Variants in IGSF10 observed in about 807,000 individuals in gnomAD.
IGSF10 encodes immunoglobulin superfamily member 10.
In IGSF10, 126 loss-of-function variants were observed where a neutral mutation model predicts 128.2. That is an observed-to-expected ratio of 0.98 (90% confidence interval 0.85 to 1.14). The LOEUF is 1.14. IGSF10 is among the 50% of genes most tolerant of loss of function. The pLI is 0.00. For synonymous variants in IGSF10, 1,185 were observed against 1,146.2 expected (o/e 1.03, Z -0.68); for missense variants, 3,295 against 3,149.8 (o/e 1.05, Z -1.10).
chr3:151,611,827 G>C, the IGSF10 span, among the ~76,000 whole-genome samples: 3 of 152,096 alleles, frequency 2.0e-5, no homozygotes, highest in Non-Finnish European at 4.4e-5. Flanking sequence ...GAATTATTAA[G>C]ATTTATTACT....
the IGSF10 span, among the ~76,000 whole-genome samples, chr3:151,479,707 C>T: frequency 5.5e-3 from 831 of 152,202 alleles, 8 homozygotes; most frequent in African/African-American, 0.019. Flanking sequence ...ATATGTGGCT[C>T]ATAAATATGT....
At chr3:151,592,960 T>C in the IGSF10 span, among the ~76,000 whole-genome samples, 1 of 152,158 alleles carries the variant, frequency 6.6e-6, no homozygotes, top group Non-Finnish European at 1.5e-5. Context: ...TGTAAATACA[T>C]TTCTCAGATA....
the IGSF10 span, among the ~76,000 whole-genome samples, chr3:151,581,053 T>C: frequency 6.6e-6 from 1 of 152,200 alleles, no homozygotes; most frequent in Non-Finnish European, 1.5e-5. Context: ...ATAATCTTTC[T>C]TGTTTGGGGA....
At chr3:151,537,968 T>C in the IGSF10 span, among the ~76,000 whole-genome samples, 2 of 152,184 alleles carry the variant, frequency 1.3e-5, no homozygotes, top group African/African-American at 2.4e-5. Context: ...TCAGAGCAGC[T>C]AGGATCCCTC....
the IGSF10 span, among the ~76,000 whole-genome samples, chr3:151,475,651 TTGTC>T: frequency 6.6e-6 from 1 of 152,240 alleles, no homozygotes; most frequent in African/African-American, 2.4e-5. Flanking sequence ...TGTCCTTTTT[TTGTC>T]TGTAAGTTTG....
the IGSF10 span, among the ~76,000 whole-genome samples, chr3:151,495,807 G>T: frequency 6.6e-6 from 1 of 152,058 alleles, no homozygotes; most frequent in Non-Finnish European, 1.5e-5. Context: ...CCTGAAACTG[G>T]TGAACTATTT....
rs112622384 is a variant in IGSF10 at position 151,445,281 on chromosome 3, G to A, written c.4700C>T (p.Pro1567Leu). Reference sequence around the variant, plus strand: ...AAATTGGTTTTCTGCCCAGGGAGATGGAGTTAATTTAGAATTCTGTGATTT... The same window carrying A: ...AAATTGGTTTTCTGCCCAGGGAGATAGAGTTAATTTAGAATTCTGTGATTT... ...TVKSQNSKLT[P>L]SPWAENQFWH... is the part of the protein sequence containing the mutation. The change falls in exon 6 of 8, where the codon CCA becomes CTA. Residue 1567 changes from proline (P) to leucine (L), a missense_variant. Physicochemically the swap from Pro to Leu is moderately conservative, Grantham distance 98. Coordinates refer to ENST00000282466, the MANE Select transcript of IGSF10 (RefSeq NM_178822.5). 43 of 1,614,072 alleles carry A rather than the reference G, an allele frequency of 2.7e-5. No homozygotes were observed. The highest frequency in any genetic ancestry group is 5.3e-5 in the African/African-American group (4 of 74,922).
chr3:151,488,189 A>G, the IGSF10 span, among the ~76,000 whole-genome samples: 3 of 152,184 alleles, frequency 2.0e-5, no homozygotes, highest in Non-Finnish European at 2.9e-5. Context: ...TCAATAACAG[A>G]GAGCCAAATC....
the IGSF10 span, among the ~76,000 whole-genome samples, chr3:151,617,169 T>G: frequency 7.3e-6 from 1 of 137,634 alleles, no homozygotes; most frequent in Non-Finnish European, 1.6e-5. Context: ...CTCCCCTCTC[T>G]TCCTCCTCCT....
chr3:151,487,883 G>T, the IGSF10 span, among the ~76,000 whole-genome samples: 3 of 152,100 alleles, frequency 2.0e-5, no homozygotes, highest in African/African-American at 7.2e-5. Flanking sequence ...ATACTGAATG[G>T]GCAAAAACTG....
chr3:151,535,536 C>A, the IGSF10 span, among the ~76,000 whole-genome samples: 1 of 152,098 alleles, frequency 6.6e-6, no homozygotes, highest in Non-Finnish European at 1.5e-5. Context: ...CCCTAAACCC[C>A]ACCATCACTA....
rs777999726 is a variant in IGSF10 at position 151,448,970 on chromosome 3, G to A, written c.1011C>T (p.Pro337=). 1 of 1,614,210 alleles carries A rather than the reference G, an allele frequency of 6.2e-7. No homozygotes were observed. The highest frequency in any genetic ancestry group is 1.1e-5 in the South Asian group (1 of 91,082). The stretch of plus-strand genomic sequence containing the variant: ...TGAATGCAATGGGTGATGTCCTTGA[G>A]GGCTTTTGAATACTGCAGACCATGT... ...EANMVCSIQK[P]SRTSPIAFTE... Residue 337 remains proline, a synonymous_variant, in exon 6 of 8, where the codon CCC becomes CCT. Coordinates refer to ENST00000282466, the MANE Select transcript of IGSF10 (RefSeq NM_178822.5).
the IGSF10 span, among the ~76,000 whole-genome samples, chr3:151,494,011 C>CA: frequency 6.6e-6 from 1 of 151,706 alleles, no homozygotes; most frequent in Non-Finnish European, 1.5e-5. Context: ...AGAAAAAAAA[C>CA]AAAAAATTTA....
chr3:151,455,759 T>C (rs886105364), intron 4 of IGSF10, among the ~76,000 whole-genome samples: 1 of 152,236 alleles, frequency 6.6e-6, no homozygotes. Flanking sequence ...TTATGAGTAA[T>C]ATGACTAATT....
intron 5 of IGSF10, among the ~76,000 whole-genome samples, chr3:151,449,679 T>C (rs978560974): frequency 2.0e-5 from 3 of 152,262 alleles, no homozygotes; most frequent in Admixed American, 6.5e-5. Flanking sequence ...AGGACCTCAC[T>C]GTTCTTTAAA....
At chr3:151,531,401 C>T in the IGSF10 span, among the ~76,000 whole-genome samples, 1 of 152,176 alleles carries the variant, frequency 6.6e-6, no homozygotes, top group African/African-American at 2.4e-5. Context: ...AGCACCACAT[C>T]ACCCTTATTC....
At chr3:151,549,184 G>T in the IGSF10 span, among the ~76,000 whole-genome samples, 1 of 152,272 alleles carries the variant, frequency 6.6e-6, no homozygotes, top group East Asian at 1.9e-4. Flanking sequence ...GTAGTTGGTT[G>T]GTGGCTTTAC....
In IGSF10 at chr3:151,437,049, A is replaced by C. The variant is rs1397584619; in HGVS notation, c.7512T>G (p.Tyr2504Ter). 1.2e-6 allele frequency: 2 copies of C among 1,614,054 alleles called. No homozygotes were observed. The highest frequency in any genetic ancestry group is 2.7e-5 in the African/African-American group (2 of 74,944). Residue 2504 changes from tyrosine to a stop codon, truncating the protein, a stop_gained, in exon 8 of 8, where the codon TAT becomes TAG. Transcript: ENST00000282466. LOFTEE classifies it low-confidence loss of function (END_TRUNC). ...CAACACTATTTTGAGCCTTACAGAT[A>C]TAGTTTCCTCTGTCATAAGCTGTTG... ...KEATAYDRGN[Y>*]ICKAQNSVGH...
the IGSF10 span, among the ~76,000 whole-genome samples, chr3:151,598,070 G>GGTGTGTGTGTGTGT: frequency 1.8e-3 from 248 of 137,768 alleles, 2 homozygotes; most frequent in African/African-American, 6.1e-3. Flanking sequence ...AATGAGTACT[G>GGTGTGTGTGTGTGT]GTGTGTGTGT....
Sources: gnomAD v4.1 joint callset for allele counts (sites outside exome capture counted in the v4.1 genomes callset) on GRCh38, gnomAD v4.1.1 for gene constraint, MANE v1.5 for transcripts, NCBI Gene and HGNC (gene_info 2026-07-23, HGNC 2026-07-21) for gene names.